USH2A: variants seen among roughly 807,000 people sequenced by gnomAD.
USH2A encodes the protein Usher syndrome 2A (autosomal recessive, mild).
USH2A carries 443 observed loss-of-function variants against 538.9 expected under a neutral mutation model. The ratio of observed to expected loss-of-function variants is 0.82; its 90% CI spans 0.76 to 0.89. The LOEUF is 0.89. Among genes scored for constraint, USH2A ranks in the 40% least tolerant of loss-of-function variants. USH2A has a pLI of 0.00. For synonymous variants in USH2A, 2,413 were observed against 2,273.5 expected, an observed-to-expected ratio of 1.06 and a Z score of -1.75; for missense variants, 6,633 against 6,324.8, an observed-to-expected ratio of 1.05 and a Z score of -1.65.
At chr1:215,945,653 C>T (rs1233050847) in intron 37 of USH2A, among the ~76,000 whole-genome samples, 1 of 152,064 alleles carries the variant, frequency 6.6e-6, no homozygotes, top group African/African-American at 2.4e-5. Context: ...ATTTGTGGGG[C>T]TTCCATTGTC....
Position 216,329,015 on chromosome 1 carries a change from C to T in USH2A, c.785-1361G>A, listed in dbSNP as rs1355397481. Among the ~76,000 whole-genome samples the T allele has an allele frequency of 2.0e-5, 3 of 152,228 alleles. No homozygotes were observed. The South Asian group carries it at 6.2e-4, about 32-fold the overall frequency. ...CATTAGTCTCAGTCTTCCACATACC[C>T]CATGAGCTGAGGCCCACAAGAAGAT... On this transcript the variant is annotated intron_variant, in intron 4 of 71. Transcript: ENST00000307340.
intron 50 of USH2A, among the ~76,000 whole-genome samples, chr1:215,797,363 G>A (rs1187809060): frequency 6.6e-6 from 1 of 152,218 alleles, no homozygotes; most frequent in Non-Finnish European, 1.5e-5. Flanking sequence ...CACTGATGAA[G>A]GTGGCTACAC....
At chr1:215,853,634 C>T (rs192797081) in intron 44 of USH2A, among the ~76,000 whole-genome samples, 60 of 152,326 alleles carry the variant, frequency 3.9e-4, no homozygotes, top group Admixed American at 3.5e-3. Flanking sequence ...ATGCCTTTAA[C>T]AGCACCCAAG....
At chr1:216,270,331 T>C (rs563454378) in intron 11 of USH2A, among the ~76,000 whole-genome samples, 1 of 152,260 alleles carries the variant, frequency 6.6e-6, no homozygotes, top group Admixed American at 6.5e-5. Flanking sequence ...AAATTGAGTG[T>C]TAGTTTAAGT....
rs201459385 is a variant in USH2A at position 215,867,066 on chromosome 1, G to C, written c.8786C>G (p.Ala2929Gly). 1.2e-6 allele frequency: 2 copies of C among 1,614,138 alleles called. No individual in the cohort carries two copies. The highest frequency in any genetic ancestry group is 1.7e-6 in the Non-Finnish European group (2 of 1,180,004). The change falls in exon 44 of 72, where the codon GCC becomes GGC. Residue 2929 changes from alanine (A) to glycine (G), a missense_variant. Transcript: ENST00000307340. ...GTTAAGGACACTCGCAGTGAGATTG[G>C]CTCCTCTCTCTGGAAGACCAGCTAA... ...TTLAGLPERG[A>G]NLTASVLNHT...
intron 32 of USH2A, among the ~76,000 whole-genome samples, chr1:216,024,498 G>A (rs1007178862): frequency 1.4e-4 from 21 of 151,994 alleles, no homozygotes; most frequent in Non-Finnish European, 2.7e-4. Context: ...TCTCATTAAT[G>A]AATGTTCATA....
At chr1:216,308,512 A>G (rs557580793) in intron 9 of USH2A, among the ~76,000 whole-genome samples, 17 of 152,036 alleles carry the variant, frequency 1.1e-4, no homozygotes, top group African/African-American at 4.1e-4. Flanking sequence ...TTACTTGTTC[A>G]CTTCTTTTGT....
intron 46 of USH2A, among the ~76,000 whole-genome samples, chr1:215,841,239 C>T (rs1303229043): frequency 6.6e-6 from 1 of 152,048 alleles, no homozygotes; most frequent in Non-Finnish European, 1.5e-5. Flanking sequence ...ATAGCCAAGA[C>T]AATCATAAGC....
At chr1:215,752,731 T>C (rs1660660025) in intron 58 of USH2A, among the ~76,000 whole-genome samples, 1 of 152,210 alleles carries the variant, frequency 6.6e-6, no homozygotes, top group Admixed American at 6.5e-5. Context: ...TATTCTCCCA[T>C]TGCTTTTGGT....
At chr1:215,869,153 C>A (rs1034724663) in intron 43 of USH2A, among the ~76,000 whole-genome samples, 3 of 152,032 alleles carry the variant, frequency 2.0e-5, no homozygotes, top group Admixed American at 6.6e-5. Context: ...TATTATAATA[C>A]CTATTTTGAA....
At chr1:215,916,727 G>A (rs192943881) in intron 38 of USH2A, among the ~76,000 whole-genome samples, 5 of 152,100 alleles carry the variant, frequency 3.3e-5, no homozygotes, top group African/African-American at 9.6e-5. Context: ...ATATAGAAAG[G>A]GGGGCAGAGG....
At chr1:216,014,287 TA>T (rs1443443553) in intron 32 of USH2A, among the ~76,000 whole-genome samples, 1 of 151,998 alleles carries the variant, frequency 6.6e-6, no homozygotes, top group African/African-American at 2.4e-5. Context: ...AGAGAGTTTT[TA>T]AAAACAGTTA....
chr1:216,244,067 C>CT (rs3835621), intron 13 of USH2A, among the ~76,000 whole-genome samples: 104,679 of 151,974 alleles, frequency 0.69, 36,127 homozygotes, highest in African/African-American at 0.72. Context: ...AACACTGATG[C>CT]TCATGTCAAC....
intron 9 of USH2A, among the ~76,000 whole-genome samples, chr1:216,315,619 T>C (rs1043138687): frequency 6.6e-6 from 1 of 152,066 alleles, no homozygotes; most frequent in Non-Finnish European, 1.5e-5. Context: ...ACTTTTGATG[T>C]AAAAAGAAAA....
chr1:215,944,302 TATC>T (rs2102434718), intron 37 of USH2A, among the ~76,000 whole-genome samples: 1 of 152,310 alleles, frequency 6.6e-6, no homozygotes, highest in African/African-American at 2.4e-5. Flanking sequence ...GTTTACTTTC[TATC>T]CCTTTATAGA....
intron 27 of USH2A, 130 bp downstream of exon 27, chr1:216,077,959 C>G (rs560367434): frequency 1.2e-4 from 144 of 1,152,536 alleles, no homozygotes; most frequent in Non-Finnish European, 1.8e-4. Flanking sequence ...TTAAATTTCT[C>G]CAGAAAAAGA....
intron 35 of USH2A, among the ~76,000 whole-genome samples, chr1:215,971,587 C>A (rs1038352250): frequency 3.3e-5 from 5 of 152,056 alleles, no homozygotes; most frequent in Non-Finnish European, 7.4e-5. Context: ...GAGACCCTAT[C>A]TCTACAAAAA....
chr1:216,054,783 G>A (rs960030997), intron 30 of USH2A, among the ~76,000 whole-genome samples: 10 of 151,924 alleles, frequency 6.6e-5, no homozygotes, highest in Non-Finnish European at 1.0e-4. Flanking sequence ...CGCTTGTACA[G>A]CAATGGTAAA....
intron 56 of USH2A, among the ~76,000 whole-genome samples, chr1:215,765,197 A>C (rs1174206907): frequency 6.6e-6 from 1 of 152,116 alleles, no homozygotes; most frequent in Non-Finnish European, 1.5e-5. Flanking sequence ...TGGTTGATAG[A>C]TCCTTTAGAA....
Sources: gnomAD v4.1 joint callset for allele counts (sites outside exome capture counted in the v4.1 genomes callset) on GRCh38, gnomAD v4.1.1 for gene constraint, MANE v1.5 for transcripts, NCBI Gene and HGNC (gene_info 2026-07-23, HGNC 2026-07-21) for gene names.